The following DNAH7 variants were observed in gnomAD, a reference collection of about 807,000 sequenced individuals.
The protein encoded by DNAH7 is axonemal beta dynein heavy chain 7.
DNAH7 carries 397 observed loss-of-function variants against 444.6 expected under a neutral mutation model. The ratio of observed to expected loss-of-function variants is 0.89; its 90% CI spans 0.82 to 0.97. DNAH7 has a LOEUF of 0.97. DNAH7 is among the 50% of genes least tolerant of loss of function. The pLI is 0.00. For missense variants in DNAH7, 4,902 were observed against 4,800.8 expected (o/e 1.02, Z -0.62); for synonymous variants, 1,636 against 1,624.4 (o/e 1.01, Z -0.17).
chr2:195,832,386 C>G (rs1170237389), intron 48 of DNAH7, among the ~76,000 whole-genome samples: 1 of 151,708 alleles, frequency 6.6e-6, no homozygotes, highest in Non-Finnish European at 1.5e-5. Flanking sequence ...TTTAAATTAA[C>G]CTAAGTAATT....
At chr2:195,794,948 A>G (rs1309901787) in intron 56 of DNAH7, among the ~76,000 whole-genome samples, 1 of 152,218 alleles carries the variant, frequency 6.6e-6, no homozygotes, top group African/African-American at 2.4e-5. Context: ...GTGAGAATAA[A>G]CAAGGCACTC....
chr2:196,002,765 T>C (rs1347202971), intron 10 of DNAH7, among the ~76,000 whole-genome samples: 1 of 152,124 alleles, frequency 6.6e-6, no homozygotes, highest in Admixed American at 6.6e-5. Flanking sequence ...CTCACCACTT[T>C]GGGAGGCCAA....
intron 7 of DNAH7, among the ~76,000 whole-genome samples, chr2:196,026,114 C>A (rs1227168995): frequency 6.6e-6 from 1 of 152,196 alleles, no homozygotes; most frequent in African/African-American, 2.4e-5. Context: ...TTGTGGGCCA[C>A]AAGGACTCTG....
At chr2:195,799,252 C>CT (rs758264462) in intron 55 of DNAH7, 44 bp downstream of exon 55, 1 of 1,421,542 alleles carries the variant, frequency 7.0e-7, no homozygotes, top group South Asian at 1.7e-5. Context: ...GCAAGTATTG[C>CT]TTTTTTAAAA....
At chr2:195,900,181 CAATTAAGG>C (rs1686613776) in intron 28 of DNAH7, 93 bp downstream of exon 28, 4 of 1,282,028 alleles carry the variant, frequency 3.1e-6, no homozygotes, top group Non-Finnish European at 4.4e-6. Context: ...TTTTTTCAAT[CAATTAAGG>C]AAACCAACAA....
chr2:195,745,809 T>C lies in DNAH7; in HGVS notation c.11765-4940A>G, dbSNP rs190671651. Among the ~76,000 whole-genome samples, 325 of 152,282 alleles carry C rather than the reference T, an allele frequency of 2.1e-3. 2 individuals are homozygous for C. The highest frequency in any genetic ancestry group is 7.3e-3 in the African/African-American group (304 of 41,540). On this transcript the variant is annotated intron_variant, in intron 63 of 64. Transcript: ENST00000312428. The stretch of plus-strand genomic sequence containing the variant: ...ACCGACAAGCAAATGCTGAGAGATG[T>C]TGTCACCACCAGGCCTGCCCTAAAA...
chr2:195,987,034 A>G, intron 14 of DNAH7, 32 bp downstream of exon 14: 1 of 1,541,092 alleles, frequency 6.5e-7, no homozygotes, highest in South Asian at 1.3e-5. Flanking sequence ...ATCCCCTCCC[A>G]AAAAATAAAA....
chr2:195,754,567 CTTTTT>C lies in DNAH7; in HGVS notation c.11587-58_11587-54del, dbSNP rs530304073. ...CAGTAGCACCTTTCAACCTTTTTTTCTTTTTTTTTGAGACAGGATCTCTGGTTGCC... is the reference window on the plus strand; with the variant it reads ...CAGTAGCACCTTTCAACCTTTTTTTCTTTTGAGACAGGATCTCTGGTTGCC... On this transcript the variant is annotated intron_variant, in intron 62 of 64. Coordinates refer to ENST00000312428, the MANE Select transcript of DNAH7 (RefSeq NM_018897.3). 1.7e-4 allele frequency: 259 copies of C among 1,524,140 alleles called. No homozygotes were observed. In the African/African-American group the frequency reaches 3.2e-3, roughly 19 times the overall value. 94.4% of individuals were successfully genotyped at this position (1,524,140 alleles called of 1,614,324 possible). A position where few individuals can be genotyped will look rare whatever the true frequency, so the allele number is the denominator to read the frequency against.
Position 195,817,747 on chromosome 2 carries a change from T to C in DNAH7, c.9374A>G (p.Asp3125Gly). ...CAAGGCTTGCTTTTCTTCTTCAAGG[T>C]CTGGCCTTTCTTGTGCCACCACAAT... is the stretch of plus-strand genomic sequence containing the variant. ...LGIVVAQERP[D>G]LEEEKQALIL... The change falls in exon 50 of 65, where the codon GAC (aspartate) becomes GGC (glycine). Residue 3125 changes from aspartate (D) to glycine (G), a missense_variant. Asp to Gly is a moderately conservative substitution (Grantham distance 94). Coordinates refer to ENST00000312428, the MANE Select transcript of DNAH7 (RefSeq NM_018897.3). 2 of 1,613,420 alleles carry C rather than the reference T, an allele frequency of 1.2e-6. No homozygotes were observed. Among genetic ancestry groups the C allele is most frequent in the Non-Finnish European group, 1.7e-6 (2 of 1,179,728 alleles).
At chr2:195,803,061 T>C (rs1326254547) in intron 54 of DNAH7, among the ~76,000 whole-genome samples, 2 of 152,266 alleles carry the variant, frequency 1.3e-5, no homozygotes, top group Non-Finnish European at 1.5e-5. Context: ...ATATCCTAAT[T>C]GTCTGTCCCA....
intron 46 of DNAH7, among the ~76,000 whole-genome samples, chr2:195,848,596 T>A (rs1355372786): frequency 1.3e-5 from 2 of 152,240 alleles, no homozygotes; most frequent in Non-Finnish European, 2.9e-5. Context: ...AGAACTCTGT[T>A]AGTTATAGCT....
intron 1 of DNAH7, among the ~76,000 whole-genome samples, chr2:196,068,117 A>G (rs946956861): frequency 2.0e-5 from 3 of 152,252 alleles, no homozygotes; most frequent in Non-Finnish European, 4.4e-5. Flanking sequence ...CATACCATGG[A>G]ATATCATCTT....
chr2:195,794,274 G>T (rs1696029275), intron 57 of DNAH7, 64 bp downstream of exon 57: 2 of 1,515,754 alleles, frequency 1.3e-6, no homozygotes, highest in African/African-American at 1.4e-5. Context: ...ACACATCCAT[G>T]ATCACCAGGG....
At chr2:195,994,289 A>G in intron 12 of DNAH7, 1 of 428,184 alleles carries the variant, frequency 2.3e-6, no homozygotes, top group Non-Finnish European at 4.4e-6. Flanking sequence ...GCTTTTCCAA[A>G]TCATCAGCAT....
At chr2:196,028,265 C>T (rs1450219112) in intron 5 of DNAH7, among the ~76,000 whole-genome samples, 1 of 152,064 alleles carries the variant, frequency 6.6e-6, no homozygotes, top group Non-Finnish European at 1.5e-5. Flanking sequence ...ACTTGCAAGA[C>T]CTATTCAGAA....
chr2:195,843,757 A>C (rs1013077097), intron 47 of DNAH7, among the ~76,000 whole-genome samples: 1 of 152,214 alleles, frequency 6.6e-6, no homozygotes, highest in Admixed American at 6.5e-5. Context: ...TTATTGGAAA[A>C]TAAATGTGTT....
At chr2:195,824,112 T>C in intron 49 of DNAH7, 143 bp downstream of exon 49, 1 of 682,406 alleles carries the variant, frequency 1.5e-6, no homozygotes, top group East Asian at 2.9e-5. Context: ...ATTTGGAAAT[T>C]ATTATAGCAA....
intron 58 of DNAH7, among the ~76,000 whole-genome samples, chr2:195,785,799 C>G (rs1383647210): frequency 6.6e-6 from 1 of 152,112 alleles, no homozygotes; most frequent in Non-Finnish European, 1.5e-5. Flanking sequence ...ATATACCCTA[C>G]AAGTGTTCAG....
intron 63 of DNAH7, among the ~76,000 whole-genome samples, chr2:195,752,530 G>A (rs1378640598): frequency 6.6e-6 from 1 of 152,132 alleles, no homozygotes; most frequent in Admixed American, 6.5e-5. Context: ...GAGGACATAA[G>A]CAAAGAGTTA....
Sources: gnomAD v4.1 joint callset for allele counts (sites outside exome capture counted in the v4.1 genomes callset) on GRCh38, gnomAD v4.1.1 for gene constraint, MANE v1.5 for transcripts, NCBI Gene and HGNC (gene_info 2026-07-23, HGNC 2026-07-21) for gene names.